ACBD6: variants seen among roughly 807,000 people sequenced by gnomAD.
ACBD6 encodes the protein acyl-CoA-binding domain-containing protein 6.
In ACBD6, 28 loss-of-function variants were observed where a neutral mutation model predicts 37.2. The ratio of observed to expected loss-of-function variants is 0.75; its 90% CI spans 0.56 to 1.03. ACBD6 has a LOEUF of 1.03. ACBD6 is among the 50% of genes least tolerant of loss of function. The pLI, the probability that ACBD6 is intolerant of heterozygous loss-of-function variation, is 0.00. For synonymous variants in ACBD6, 113 were observed against 126.8 expected (o/e 0.89, Z 0.73); for missense variants, 340 against 337.4 (o/e 1.01, Z -0.06).
At chr1:180,405,680 T>C (rs1647594472) in intron 5 of ACBD6, among the ~76,000 whole-genome samples, 1 of 152,224 alleles carries the variant, frequency 6.6e-6, no homozygotes, top group Non-Finnish European at 1.5e-5. Flanking sequence ...GTTGATTGTA[T>C]AGTACACTAA....
chr1:180,288,206 G>A (rs956739296), downstream of ACBD6: 22 of 984,066 alleles, frequency 2.2e-5, no homozygotes, highest in African/African-American at 3.4e-4. Flanking sequence ...TATGCAAGAA[G>A]AATGAATTGC....
intron 6 of ACBD6, among the ~76,000 whole-genome samples, chr1:180,315,941 G>C (rs1650782559): frequency 6.6e-6 from 1 of 152,094 alleles, no homozygotes; most frequent in South Asian, 2.1e-4. Flanking sequence ...GGGATGTCCA[G>C]GAAGCATCAT....
At chr1:180,372,887 C>T (rs1406380129) in intron 6 of ACBD6, among the ~76,000 whole-genome samples, 1 of 152,156 alleles carries the variant, frequency 6.6e-6, no homozygotes. Context: ...CTATAAGCTA[C>T]TTGTATCCAA....
At chr1:180,444,357 G>A (rs1649400008) in intron 3 of ACBD6, among the ~76,000 whole-genome samples, 1 of 150,930 alleles carries the variant, frequency 6.6e-6, no homozygotes, top group African/African-American at 2.4e-5. Context: ...ATTTGATTAT[G>A]GTATATTCTA....
chr1:180,291,921 C>T (rs531996479), intron 7 of ACBD6, among the ~76,000 whole-genome samples: 17 of 152,198 alleles, frequency 1.1e-4, no homozygotes, highest in African/African-American at 2.4e-4. Flanking sequence ...CAGCTCTATA[C>T]GTTGAAAAGG....
chr1:180,360,693 C>CA (rs58143915), intron 6 of ACBD6, among the ~76,000 whole-genome samples: 1 of 151,944 alleles, frequency 6.6e-6, no homozygotes, highest in African/African-American at 2.4e-5. Context: ...TTAAATGTGA[C>CA]AAAAAAATTA....
At chr1:180,335,243 GTT>G (rs1651654782) in intron 6 of ACBD6, among the ~76,000 whole-genome samples, 1 of 152,172 alleles carries the variant, frequency 6.6e-6, no homozygotes, top group African/African-American at 2.4e-5. Flanking sequence ...AGGAAAAAAT[GTT>G]AAGGGCGGCC....
At chr1:180,432,950 G>C (rs1207665618) in intron 3 of ACBD6, among the ~76,000 whole-genome samples, 5 of 150,268 alleles carry the variant, frequency 3.3e-5, no homozygotes, top group African/African-American at 1.2e-4. Flanking sequence ...CCCAGAACCA[G>C]ATCACTTCAC....
intron 3 of ACBD6, among the ~76,000 whole-genome samples, chr1:180,488,134 G>A (rs950363668): frequency 2.6e-5 from 4 of 152,074 alleles, no homozygotes; most frequent in African/African-American, 9.7e-5. Flanking sequence ...ATACATGTGT[G>A]TCTATGTGTA....
At chr1:180,418,930 G>GT (rs1040446681) in intron 4 of ACBD6, among the ~76,000 whole-genome samples, 10 of 152,168 alleles carry the variant, frequency 6.6e-5, no homozygotes, top group Non-Finnish European at 1.5e-4. Flanking sequence ...TTAATAAAGT[G>GT]TTTTTTTGTG....
At chr1:180,336,979 A>C (rs1651747773) in intron 6 of ACBD6, among the ~76,000 whole-genome samples, 1 of 152,182 alleles carries the variant, frequency 6.6e-6, no homozygotes, top group African/African-American at 2.4e-5. Context: ...CTCTGAAGAG[A>C]CCAATAACAG....
chr1:180,408,420 C>CA (rs1454041387), intron 5 of ACBD6, among the ~76,000 whole-genome samples: 2 of 151,204 alleles, frequency 1.3e-5, no homozygotes, highest in Admixed American at 6.6e-5. Flanking sequence ...ATCGCAAAGA[C>CA]AAAAAATCAA....
intron 3 of ACBD6, among the ~76,000 whole-genome samples, chr1:180,490,318 T>A (rs1416672275): frequency 6.6e-6 from 1 of 152,100 alleles, no homozygotes; most frequent in African/African-American, 2.4e-5. Context: ...TAAAAGATAA[T>A]AAAATAGAAA....
At chr1:180,428,407 C>A (rs1021894254) in intron 4 of ACBD6, among the ~76,000 whole-genome samples, 3 of 152,152 alleles carry the variant, frequency 2.0e-5, no homozygotes, top group African/African-American at 7.2e-5. Flanking sequence ...GAATTTAAAT[C>A]TCTACAAAAA....
intron 6 of ACBD6, among the ~76,000 whole-genome samples, chr1:180,390,809 C>T (rs964683957): frequency 3.9e-5 from 6 of 152,060 alleles, no homozygotes; most frequent in African/African-American, 1.2e-4. Flanking sequence ...ATCTTCACTG[C>T]CTTTTTAGCA....
intron 3 of ACBD6, among the ~76,000 whole-genome samples, chr1:180,432,389 T>A (rs183523171): frequency 6.6e-6 from 1 of 152,054 alleles, no homozygotes; most frequent in Non-Finnish European, 1.5e-5. Flanking sequence ...ATTCAAAGAA[T>A]TCTTAAAACT....
chr1:180,479,234 A>G (rs1206769472), intron 3 of ACBD6, among the ~76,000 whole-genome samples: 2 of 152,232 alleles, frequency 1.3e-5, no homozygotes, highest in Non-Finnish European at 2.9e-5. Flanking sequence ...GGCAAAGATA[A>G]AAAGTCAACC....
At position 180,441,105 on chromosome 1, in the gene ACBD6, G is replaced by T. The variant is rs553043225; in HGVS notation, c.385-10843C>A. 2.6e-5 allele frequency among the ~76,000 whole-genome samples: 4 copies of T among 152,194 alleles called. No homozygotes were observed. In the East Asian group the frequency reaches 7.7e-4, roughly 29 times the overall value. On this transcript the variant is annotated intron_variant, in intron 3 of 7. Transcript: ENST00000367595. Reference sequence around the variant, plus strand: ...GGTAATTCTATTTTTAACTTTTTGAGGAACCACCAAACTGTCTTTTATGGC... The same window carrying T: ...GGTAATTCTATTTTTAACTTTTTGATGAACCACCAAACTGTCTTTTATGGC...
At chr1:180,338,748 A>G (rs1460218861) in intron 6 of ACBD6, among the ~76,000 whole-genome samples, 16 of 152,228 alleles carry the variant, frequency 1.1e-4, no homozygotes, top group Non-Finnish European at 1.8e-4. Flanking sequence ...TAGGCAACCT[A>G]CAGAATGGGA....
Sources: gnomAD v4.1 joint callset for allele counts (sites outside exome capture counted in the v4.1 genomes callset) on GRCh38, gnomAD v4.1.1 for gene constraint, MANE v1.5 for transcripts, NCBI Gene and HGNC (gene_info 2026-07-23, HGNC 2026-07-21) for gene names.